The following MAJIN variants were observed in gnomAD, a reference collection of about 807,000 sequenced individuals.
MAJIN encodes the protein membrane-anchored junction protein.
In MAJIN, 27 loss-of-function variants were observed where a neutral mutation model predicts 30.2. That is an observed-to-expected ratio of 0.89 (90% confidence interval 0.66 to 1.23). MAJIN has a LOEUF of 1.23. Among genes scored for constraint, MAJIN ranks in the 50% most tolerant of loss-of-function variants. MAJIN has a pLI of 0.00. For missense variants in MAJIN, 253 were observed against 260.3 expected (o/e 0.97, Z 0.19); for synonymous variants, 78 against 91.6 (o/e 0.85, Z 0.85).
At chr11:64,946,682 A>G (rs1234206245) in intron 8 of MAJIN, among the ~76,000 whole-genome samples, 1 of 152,140 alleles carries the variant, frequency 6.6e-6, no homozygotes, top group Non-Finnish European at 1.5e-5. Context: ...CTAGGGTGGA[A>G]GCATCTTGGG....
chr11:64,941,377 C>T (rs559938504), intron 8 of MAJIN, among the ~76,000 whole-genome samples: 7 of 152,162 alleles, frequency 4.6e-5, no homozygotes, highest in East Asian at 1.9e-4. Flanking sequence ...GTGTGATGGC[C>T]GGGCATGGTG....
chr11:64,949,916 T>G (rs765649508), intron 5 of MAJIN, 48 bp from the exon 6 acceptor site: 2 of 1,589,486 alleles, frequency 1.3e-6, no homozygotes, highest in Non-Finnish European at 1.7e-6. Flanking sequence ...TATGCATTCC[T>G]AAGTACTATT....
chr11:64,971,035 C>T (rs951808318), intron 1 of MAJIN, among the ~76,000 whole-genome samples: 2 of 152,144 alleles, frequency 1.3e-5, no homozygotes, highest in African/African-American at 4.8e-5. Context: ...CGGCTCACAC[C>T]TGTAATCCCA....
chr11:64,949,908 T>C, intron 5 of MAJIN, 40 bp from the exon 6 acceptor site: 1 of 1,594,972 alleles, frequency 6.3e-7, no homozygotes, highest in Non-Finnish European at 8.5e-7. Flanking sequence ...GATGCCAGTA[T>C]GCATTCCTAA....
chr11:64,941,972 T>C lies in MAJIN; in HGVS notation c.474-1326A>G, dbSNP rs530589753. ...TGACTGTGGCATTAGCAACACAATA[T>C]AACACAATCTTATTATTTCTCCATG... On this transcript the variant is annotated intron_variant, in intron 8 of 10. Transcript: ENST00000301896. Among the ~76,000 whole-genome samples the C allele has an allele frequency of 3.9e-5, 6 of 152,322 alleles. No individual in the cohort carries two copies. The East Asian group carries it at 1.2e-3, about 29-fold the overall frequency.
chr11:64,969,254 CCTAG>C (rs892598253), intron 1 of MAJIN, among the ~76,000 whole-genome samples: 5 of 152,122 alleles, frequency 3.3e-5, no homozygotes, highest in African/African-American at 1.2e-4. Context: ...GAGGCAGTCT[CCTAG>C]TGTGTAAGGG....
At chr11:64,957,906 T>C (rs1945661157) in intron 3 of MAJIN, among the ~76,000 whole-genome samples, 1 of 151,966 alleles carries the variant, frequency 6.6e-6, no homozygotes, top group Non-Finnish European at 1.5e-5. Context: ...GCATATATTA[T>C]TCTTAAATTA....
In MAJIN at chr11:64,949,675, G is replaced by C. The variant is rs188922640; in HGVS notation, c.349+68C>G. On this transcript the variant is annotated intron_variant, in intron 6 of 10. Coordinates refer to ENST00000301896, the MANE Select transcript of MAJIN (RefSeq NM_001037225.3). ...GGAGCCTAATCTGGTAGCCCCTTTC[G>C]CGATACCTAGCTGGCACAGCTAAAC... 216 of 1,572,822 alleles carry C rather than the reference G, an allele frequency of 1.4e-4. No individual in the cohort carries two copies. The East Asian group carries it at 4.7e-3, about 34-fold the overall frequency.
At chr11:64,950,122 G>C (rs1020452978) in intron 5 of MAJIN, among the ~76,000 whole-genome samples, 1 of 152,120 alleles carries the variant, frequency 6.6e-6, no homozygotes, top group Non-Finnish European at 1.5e-5. Flanking sequence ...CTGAGGTCAG[G>C]AGTTCAAGAC....
intron 2 of MAJIN, 37 bp from the exon 3 acceptor site, chr11:64,959,459 C>A (rs1022124993): frequency 3.3e-6 from 5 of 1,526,738 alleles, no homozygotes; most frequent in African/African-American, 1.4e-5. Flanking sequence ...AAAAAGCTAA[C>A]GATTGTTCCT....
Position 64,958,651 on chromosome 11 carries a change from A to AAT in MAJIN, c.101+652_101+653dup, listed in dbSNP as rs1352002927. Among the ~76,000 whole-genome samples the AAT allele has an allele frequency of 1.3e-3, 203 of 151,424 alleles. 1 individual carries two copies. The highest frequency in any genetic ancestry group is 3.4e-3 in the African/African-American group (140 of 41,364). On this transcript the variant is annotated intron_variant, in intron 3 of 10. Transcript: ENST00000301896. Reference sequence around the variant, plus strand: ...AATTGCAAGGGAGTCGAGATGAAAAAATATATATATATTTTGAGATGGAGT... The same window carrying AAT: ...AATTGCAAGGGAGTCGAGATGAAAAAATATATATATATATTTTGAGATGGAGT...
At chr11:64,956,900 G>A (rs1945644450) in intron 3 of MAJIN, among the ~76,000 whole-genome samples, 1 of 151,002 alleles carries the variant, frequency 6.6e-6, no homozygotes, top group South Asian at 2.1e-4. Flanking sequence ...CCAAGTAGCT[G>A]GGATTACATG....
At chr11:64,939,101 T>A (rs1002944733) in intron 10 of MAJIN, among the ~76,000 whole-genome samples, 17 of 152,030 alleles carry the variant, frequency 1.1e-4, no homozygotes, top group African/African-American at 3.9e-4. Flanking sequence ...GCTAATTTTA[T>A]TTTATTTTAT....
intron 6 of MAJIN, among the ~76,000 whole-genome samples, chr11:64,948,022 G>A (rs973926757): frequency 2.6e-5 from 4 of 151,360 alleles, no homozygotes; most frequent in African/African-American, 9.7e-5. Context: ...ACCACACCTG[G>A]CTAATTTTTG....
chr11:64,966,079 T>G (rs1017427331), intron 1 of MAJIN, among the ~76,000 whole-genome samples: 2 of 148,492 alleles, frequency 1.3e-5, no homozygotes, highest in African/African-American at 5.0e-5. Flanking sequence ...GGACATTTTA[T>G]TTTTTTGATT....
chr11:64,970,309 G>A (rs1359060342), intron 1 of MAJIN, among the ~76,000 whole-genome samples: 1 of 142,328 alleles, frequency 7.0e-6, no homozygotes, highest in East Asian at 2.2e-4. Flanking sequence ...GTTGCAGTGA[G>A]CCCAAATCTC....
chr11:64,945,922 T>G (rs1340721581), intron 8 of MAJIN, among the ~76,000 whole-genome samples: 2 of 152,212 alleles, frequency 1.3e-5, no homozygotes, highest in Non-Finnish European at 2.9e-5. Context: ...GCATAATAGT[T>G]GAATGTTATT....
chr11:64,958,028 G>A (rs893847609), intron 3 of MAJIN, among the ~76,000 whole-genome samples: 2 of 150,982 alleles, frequency 1.3e-5, no homozygotes, highest in Non-Finnish European at 3.0e-5. Flanking sequence ...TGCAACCTCC[G>A]TCTCCCGAGT....
chr11:64,946,254 T>C (rs1945450544), intron 8 of MAJIN: 2 of 1,278,288 alleles, frequency 1.6e-6, no homozygotes, highest in African/African-American at 3.0e-5. Flanking sequence ...AGGTTGGCTA[T>C]TGTTATACTA....
Sources: allele counts gnomAD v4.1 joint callset (sites outside exome capture counted in the v4.1 genomes callset), GRCh38; gene constraint gnomAD v4.1.1; transcripts MANE v1.5; gene names NCBI Gene and HGNC (gene_info 2026-07-23, HGNC 2026-07-21).